RBPJ: variants seen among roughly 807,000 people sequenced by gnomAD.
The protein encoded by RBPJ is recombining binding protein suppressor of hairless.
Under a neutral mutation model 67.8 loss-of-function variants are expected in RBPJ, and 9 were observed. That is an observed-to-expected ratio of 0.13 (90% confidence interval 0.08 to 0.23). RBPJ has a LOEUF of 0.23. Among genes scored for constraint, RBPJ ranks in the 10% least tolerant of loss-of-function variants. RBPJ has a pLI of 1.00. For synonymous variants in RBPJ, 198 were observed against 203.3 expected (o/e 0.97, Z 0.22); for missense variants, 305 against 595.6 (o/e 0.51, Z 5.08).
intron 3 of RBPJ, 131 bp downstream of exon 3, chr4:26,406,401 G>A: frequency 1.6e-6 from 1 of 616,510 alleles, no homozygotes; most frequent in Non-Finnish European, 2.9e-6. Context: ...AAAAATAGGG[G>A]ATTTGTCTCC....
chr4:26,290,297 C>T (rs1274312267), intron 1 of RBPJ, among the ~76,000 whole-genome samples: 1 of 139,944 alleles, frequency 7.1e-6, no homozygotes, highest in East Asian at 2.1e-4. Context: ...TATGATTGCA[C>T]CACAGAACGA....
intron 1 of RBPJ, among the ~76,000 whole-genome samples, chr4:26,366,969 C>T (rs1445196918): frequency 6.6e-6 from 1 of 150,732 alleles, no homozygotes; most frequent in East Asian, 2.0e-4. Flanking sequence ...ACTAAAAATA[C>T]AAAAATTAGC....
At chr4:26,111,817 A>G in the RBPJ span, 1 of 161,466 alleles carries the variant, frequency 6.2e-6, no homozygotes. Flanking sequence ...AGCTCAACAC[A>G]TATCAGAGTG....
intron 1 of RBPJ, among the ~76,000 whole-genome samples, chr4:26,248,799 T>G (rs1720006551): frequency 1.3e-5 from 2 of 152,110 alleles, no homozygotes. Context: ...AGAGTTCAAA[T>G]ATTAGAAACA....
At chr4:26,277,465 G>A (rs988263924) in intron 1 of RBPJ, among the ~76,000 whole-genome samples, 21 of 152,202 alleles carry the variant, frequency 1.4e-4, no homozygotes, top group African/African-American at 3.9e-4. Flanking sequence ...GGACCAGGAC[G>A]AGGCTGCAAG....
chr4:26,165,041 A>G (rs1716214232), intron 1 of RBPJ, among the ~76,000 whole-genome samples: 2 of 152,348 alleles, frequency 1.3e-5, no homozygotes, highest in South Asian at 4.1e-4. Context: ...GTATTTAACT[A>G]CAGTATAATA....
intron 1 of RBPJ, among the ~76,000 whole-genome samples, chr4:26,255,029 T>C (rs1720252357): frequency 7.0e-6 from 1 of 143,840 alleles, no homozygotes; most frequent in South Asian, 2.4e-4. Flanking sequence ...AAACATGCTA[T>C]ATAGCATGTT....
rs1188287216 is a variant in RBPJ, at chr4:26,215,003, GGAA to G, written c.-167+51391_-167+51393del. Among the ~76,000 whole-genome samples, 119 of 57,126 alleles carry G rather than the reference GGAA, an allele frequency of 2.1e-3. 3 individuals are homozygous for G. The highest frequency in any genetic ancestry group is 0.011 in the African/African-American group (113 of 10,030). 37.5% of individuals were successfully genotyped at this position (57,126 alleles called of 152,430 possible). A position where few individuals can be genotyped will look rare whatever the true frequency, so the allele number is the denominator to read the frequency against. The stretch of plus-strand genomic sequence containing the variant: ...AGGAAGGAGGGAGGGAGGGAGGGAA[GGAA>G]GGAAGGAGAGAAAGAAAGAAAGAAA... On this transcript the variant is annotated intron_variant, in intron 1 of 4. Coordinates refer to the RBPJ transcript ENST00000512351.
At chr4:26,245,392 G>A (rs1318159093) in intron 1 of RBPJ, among the ~76,000 whole-genome samples, 1 of 151,618 alleles carries the variant, frequency 6.6e-6, no homozygotes, top group East Asian at 1.9e-4. Context: ...TATTTTTAGT[G>A]GAGACGGGGT....
intron 7 of RBPJ, among the ~76,000 whole-genome samples, chr4:26,426,687 G>C (rs1167933457): frequency 6.6e-6 from 1 of 152,194 alleles, no homozygotes; most frequent in Non-Finnish European, 1.5e-5. Flanking sequence ...GGTCAGGGAA[G>C]TCTTTTTGAA....
At chr4:26,327,510 G>C (rs1723752370) in intron 1 of RBPJ, among the ~76,000 whole-genome samples, 1 of 141,378 alleles carries the variant, frequency 7.1e-6, no homozygotes, top group African/African-American at 2.6e-5. Flanking sequence ...ATGTGAAGCA[G>C]AATACACTAG....
intron 1 of RBPJ, among the ~76,000 whole-genome samples, chr4:26,190,546 G>A (rs1717443705): frequency 6.6e-6 from 1 of 152,166 alleles, no homozygotes; most frequent in Non-Finnish European, 1.5e-5. Flanking sequence ...AAAGGAAAAG[G>A]ACTTATGGAA....
chr4:26,337,500 T>C (rs922825804), intron 1 of RBPJ, among the ~76,000 whole-genome samples: 1 of 151,978 alleles, frequency 6.6e-6, no homozygotes, highest in African/African-American at 2.4e-5. Flanking sequence ...TCCCCATGCT[T>C]ACTGGCTGCT....
intron 1 of RBPJ, among the ~76,000 whole-genome samples, chr4:26,346,973 C>T (rs1303357306): frequency 2.0e-5 from 3 of 151,356 alleles, no homozygotes; most frequent in Non-Finnish European, 4.4e-5. Context: ...GTCTGGGTGA[C>T]AGAGCGAGAC....
rs1349516784 is a variant in RBPJ at position 26,420,721 on chromosome 4, T to A, written c.492T>A (p.Ala164=). ...PSKKKQSLKN[A]DLCIASGTKV... ...AAAAGAAGCAGTCATTGAAAAATGC[T>A]GACTGTATGTATGCTTTTCTTATTT... The change falls in exon 5 of 11, where the codon GCT becomes GCA. Residue 164 remains alanine (A), a synonymous_variant. Coordinates refer to ENST00000355476, the MANE Select transcript of RBPJ (RefSeq NM_015874.6). 6.2e-7 allele frequency: 1 copy of A among 1,609,572 alleles called. No individual in the cohort carries two copies. The highest frequency in any genetic ancestry group is 1.7e-4 in the Middle Eastern group (1 of 6,046).
chr4:26,133,634 C>T, the RBPJ span, among the ~76,000 whole-genome samples: 1 of 152,138 alleles, frequency 6.6e-6, no homozygotes, highest in Non-Finnish European at 1.5e-5. Context: ...GAGCGTGAAC[C>T]CTATAGGGAA....
Position 26,185,180 on chromosome 4 carries a change from A to T in RBPJ, c.-167+21566A>T, listed in dbSNP as rs544536137. On this transcript the variant is annotated intron_variant, in intron 1 of 4. Transcript: ENST00000512351. ...AGAAAAGATAGTTATGTTGTTTTGCATCAAGGAGGGATTTTTTTTTTTTCC... is the reference window on the plus strand; with the variant it reads ...AGAAAAGATAGTTATGTTGTTTTGCTTCAAGGAGGGATTTTTTTTTTTTCC... Among the ~76,000 whole-genome samples the T allele has an allele frequency of 1.5e-3, 181 of 122,108 alleles. 1 individual carries two copies. The highest frequency in any genetic ancestry group is 6.0e-4 in the Non-Finnish European group (36 of 59,534). 80.1% of individuals were successfully genotyped at this position (122,108 alleles called of 152,430 possible).
intron 1 of RBPJ, among the ~76,000 whole-genome samples, chr4:26,281,309 G>A (rs1042828415): frequency 4.0e-5 from 6 of 151,830 alleles, no homozygotes; most frequent in Non-Finnish European, 7.4e-5. Context: ...GCGGAGTTTC[G>A]CTCTTGTTGC....
At chr4:26,362,856 G>C (rs1279933722) in intron 1 of RBPJ, among the ~76,000 whole-genome samples, 3 of 152,142 alleles carry the variant, frequency 2.0e-5, no homozygotes, top group Admixed American at 2.0e-4. Flanking sequence ...GGAGGATACT[G>C]TAAGTATTTT....
Sources: gnomAD v4.1 joint callset for allele counts (sites outside exome capture counted in the v4.1 genomes callset) on GRCh38, gnomAD v4.1.1 for gene constraint, MANE v1.5 for transcripts, NCBI Gene and HGNC (gene_info 2026-07-23, HGNC 2026-07-21) for gene names.